Variants in RB1 observed in about 807,000 individuals in gnomAD.
RB1 encodes the protein RB transcriptional corepressor 1.
A neutral mutation model predicts 135.4 loss-of-function variants in RB1; 18 were observed. That is an observed-to-expected ratio of 0.13 (90% CI 0.09 to 0.20). The LOEUF (loss-of-function observed/expected upper bound fraction) is 0.20, where lower values mean the gene tolerates loss of function less well. Among genes scored for constraint, RB1 ranks in the 10% least tolerant of loss-of-function variants. RB1 has a pLI of 1.00. For synonymous variants in RB1, 365 were observed against 373.2 expected (o/e 0.98, Z 0.25); for missense variants, 868 against 1,110.0 (o/e 0.78, Z 3.10).
chr13:48,477,481 G>T (rs1015146290), intron 26 of RB1, 77 bp downstream of exon 26: 3 of 1,201,654 alleles, frequency 2.5e-6, no homozygotes, highest in Non-Finnish European at 3.7e-6. Context: ...TTATATAAAA[G>T]AATGTATAAT....
chr13:48,400,699 C>T (rs1948684446), intron 17 of RB1, among the ~76,000 whole-genome samples: 1 of 152,090 alleles, frequency 6.6e-6, no homozygotes, highest in African/African-American at 2.4e-5. Flanking sequence ...CAAATTATGT[C>T]TCTGTATCTC....
intron 17 of RB1, among the ~76,000 whole-genome samples, chr13:48,449,299 A>C (rs188801440): frequency 2.4e-4 from 36 of 152,284 alleles, no homozygotes; most frequent in African/African-American, 8.7e-4. Context: ...AGGTTTGGGA[A>C]CTTCATTGTA....
Position 48,411,859 on chromosome 13 carries a change from C to T in RB1, c.1695+30416C>T, listed in dbSNP as rs121434309. 1.4e-5 allele frequency: 22 copies of T among 1,613,606 alleles called. No homozygotes were observed. Among genetic ancestry groups the T allele is most frequent in the Middle Eastern group, 1.6e-4 (1 of 6,084 alleles). The stretch of plus-strand genomic sequence containing the variant: ...AGAGGAATAAAAAATCCCACTATTT[C>T]GATGAAAATTACAATCCTTGAGAGA... On this transcript the variant is annotated intron_variant, in intron 17 of 26. Coordinates refer to ENST00000267163, the MANE Select transcript of RB1 (RefSeq NM_000321.3).
intron 6 of RB1, among the ~76,000 whole-genome samples, chr13:48,353,300 G>A (rs1303322832): frequency 3.9e-5 from 6 of 152,222 alleles, no homozygotes; most frequent in African/African-American, 1.4e-4. Context: ...AGTATCATTA[G>A]TGGCTTCTAT....
rs921823911 is a variant in RB1 at position 48,481,675 on chromosome 13, T to A, written c.*1604T>A. The A allele has an allele frequency of 8.7e-6, 2 of 231,008 alleles. No individual in the cohort carries two copies. The highest frequency in any genetic ancestry group is 4.4e-5 in the African/African-American group (2 of 45,236). 14.3% of individuals were successfully genotyped at this position (231,008 alleles called of 1,614,324 possible). A position where few individuals can be genotyped will look rare whatever the true frequency, so the allele number is the denominator to read the frequency against. ...TTTTAGGTCAAGGGCTTACTATTTC[T>A]GGGTCTTTTGCTACTAAGTTCACAT... is the stretch of plus-strand genomic sequence containing the variant. On this transcript the variant is annotated 3_prime_UTR_variant, in exon 27 of 27. Transcript: ENST00000267163.
At chr13:48,457,759 T>G (rs1593533129) in intron 19 of RB1, among the ~76,000 whole-genome samples, 1 of 152,362 alleles carries the variant, frequency 6.6e-6, no homozygotes, top group East Asian at 1.9e-4. Context: ...CAGCGCTGCC[T>G]TGAGCGTGCG....
intron 3 of RB1, among the ~76,000 whole-genome samples, chr13:48,344,787 C>T (rs1001881888): frequency 5.9e-5 from 9 of 152,114 alleles, no homozygotes; most frequent in African/African-American, 2.2e-4. Flanking sequence ...GATGTGAACT[C>T]ATGTTTTTTA....
At chr13:48,458,348 TC>T (rs1214137882) in intron 19 of RB1, among the ~76,000 whole-genome samples, 1 of 152,174 alleles carries the variant, frequency 6.6e-6, no homozygotes, top group Non-Finnish European at 1.5e-5. Flanking sequence ...CGTATATACT[TC>T]CTAGTGCATA....
intron 17 of RB1, chr13:48,412,798 T>C (rs1268524308): frequency 7.5e-6 from 2 of 266,588 alleles, no homozygotes; most frequent in African/African-American, 4.6e-5. Context: ...TCTTCTAAAC[T>C]TGTATTTCAG....
chr13:48,318,684 G>A, intron 2 of RB1: 1 of 616,806 alleles, frequency 1.6e-6, no homozygotes. Context: ...CGGCCTCATG[G>A]CATGGCCGCC....
At chr13:48,418,794 G>A (rs774814116) in intron 17 of RB1, among the ~76,000 whole-genome samples, 5 of 151,856 alleles carry the variant, frequency 3.3e-5, no homozygotes, top group Non-Finnish European at 7.4e-5. Context: ...GACAAGAAGG[G>A]CATTACATAA....
chr13:48,479,970 T>C, intron 26 of RB1, 28 bp from the exon 27 acceptor site: 1 of 1,596,302 alleles, frequency 6.3e-7, no homozygotes, highest in Non-Finnish European at 8.6e-7. Flanking sequence ...CCATCAATGC[T>C]GTTAACAGTT....
Position 48,303,866 on chromosome 13 carries a change from C to T in RB1, c.-47C>T, listed in dbSNP as rs1485641974. On this transcript the variant is annotated 5_prime_UTR_variant, in exon 1 of 27. Coordinates refer to ENST00000267163, the MANE Select transcript of RB1 (RefSeq NM_000321.3). The stretch of plus-strand genomic sequence containing the variant: ...CCCGACGTGCGCGCGCGTCGTCCTC[C>T]CCGGCGCTCCTCCACAGCTCGCTGG... 4.0e-6 allele frequency: 6 copies of T among 1,506,508 alleles called. No homozygotes were observed. The highest frequency in any genetic ancestry group is 2.5e-5 in the South Asian group (2 of 81,382). 93.3% of individuals were successfully genotyped at this position (1,506,508 alleles called of 1,614,324 possible). A position where few individuals can be genotyped will look rare whatever the true frequency, so the allele number is the denominator to read the frequency against.
chr13:48,455,327 T>C (rs1360771826), intron 18 of RB1, among the ~76,000 whole-genome samples: 1 of 152,204 alleles, frequency 6.6e-6, no homozygotes, highest in Non-Finnish European at 1.5e-5. Context: ...CGGTAGGTAA[T>C]TGGAGATTTA....
chr13:48,438,493 C>A (rs1949205509), intron 17 of RB1, among the ~76,000 whole-genome samples: 1 of 152,046 alleles, frequency 6.6e-6, no homozygotes, highest in South Asian at 2.1e-4. Context: ...TTTCATGGCA[C>A]CCTGTGTATT....
chr13:48,307,434 A>AT (rs751497912), intron 2 of RB1, 28 bp downstream of exon 2: 156 of 1,601,874 alleles, frequency 9.7e-5, no homozygotes, highest in Middle Eastern at 3.3e-4. Flanking sequence ...ACGTTTTGAA[A>AT]TTTTTTTTTC....
intron 6 of RB1, among the ~76,000 whole-genome samples, chr13:48,349,983 A>T (rs147480260): frequency 6.6e-6 from 1 of 152,286 alleles, no homozygotes; most frequent in Admixed American, 6.5e-5. Flanking sequence ...ATTCAGCAAG[A>T]GGATATAACA....
At chr13:48,320,354 C>G in intron 2 of RB1, 1 of 1,244,744 alleles carries the variant, frequency 8.0e-7, no homozygotes, top group African/African-American at 1.5e-5. Context: ...CTCACCGACA[C>G]GCTCTCCACC....
chr13:48,360,810 A>G (rs937310075), intron 7 of RB1: 15 of 152,108 alleles, frequency 9.9e-5, no homozygotes, highest in Admixed American at 9.8e-4. Flanking sequence ...GTCACTTATT[A>G]TATTATTATA....
Sources: gnomAD v4.1 joint callset for allele counts (sites outside exome capture counted in the v4.1 genomes callset) on GRCh38, gnomAD v4.1.1 for gene constraint, MANE v1.5 for transcripts, NCBI Gene and HGNC (gene_info 2026-07-23, HGNC 2026-07-21) for gene names.